SP140L: variants seen among roughly 807,000 people sequenced by gnomAD.
SP140L encodes SP140 like nuclear body protein.
Under a neutral mutation model 84.3 loss-of-function variants are expected in SP140L, and 64 were observed. The ratio of observed to expected loss-of-function variants is 0.76; its 90% CI spans 0.62 to 0.94. The LOEUF (loss-of-function observed/expected upper bound fraction) is 0.94. SP140L is among the 40% of genes least tolerant of loss of function. The pLI is 0.00. For missense variants in SP140L, 628 were observed against 692.5 expected, an observed-to-expected ratio of 0.91 and a Z score of 1.05; for synonymous variants, 242 against 236.9, an observed-to-expected ratio of 1.02 and a Z score of -0.20.
intron 2 of SP140L, among the ~76,000 whole-genome samples, chr2:230,330,063 G>A (rs1437139702): frequency 1.3e-5 from 2 of 152,136 alleles, no homozygotes; most frequent in East Asian, 3.9e-4. Flanking sequence ...TGTGTTCCAT[G>A]TGCCTGCTGT....
At chr2:230,358,037 C>T (rs1399075998) in intron 3 of SP140L, 70 bp downstream of exon 3, 1 of 1,553,340 alleles carries the variant, frequency 6.4e-7, no homozygotes. Flanking sequence ...GTAAGTGCTC[C>T]TGTAAAGTAG....
intron 4 of SP140L, among the ~76,000 whole-genome samples, chr2:230,360,440 CTAACAA>C (rs1252776303): frequency 2.0e-5 from 3 of 152,108 alleles, no homozygotes; most frequent in Non-Finnish European, 2.9e-5. Flanking sequence ...TGTGTTAATA[CTAACAA>C]TATCTAGATT....
At chr2:230,351,145 G>T (rs533509497) in intron 2 of SP140L, among the ~76,000 whole-genome samples, 1 of 152,296 alleles carries the variant, frequency 6.6e-6, no homozygotes, top group Non-Finnish European at 1.5e-5. Flanking sequence ...AGCTGGATCT[G>T]CTGGGTCAGT....
chr2:230,392,092 T>C lies in SP140L; in HGVS notation c.970T>C (p.Leu324=). The C allele has an allele frequency of 6.2e-7, 1 of 1,613,816 alleles. No homozygotes were observed. The part of the protein sequence containing the change: ...LHKEKLEQGT[L]AKCIQTEDGK... ...AAGTTACCCTGGTCTTACAGGAACC[T>C]TGGCAAAGTGTATACAGACTGAGGA... The change falls in exon 12 of 19, where the codon TTG becomes CTG. Residue 324 remains leucine, a synonymous_variant. Coordinates refer to ENST00000415673, the MANE Select transcript of SP140L (RefSeq NM_138402.6).
chr2:230,380,448 C>A (rs552539957), intron 7 of SP140L, among the ~76,000 whole-genome samples: 1 of 152,240 alleles, frequency 6.6e-6, no homozygotes, highest in African/African-American at 2.4e-5. Context: ...GACATCAGTA[C>A]CCTTCCCCCT....
rs1343749477 is a variant in SP140L at position 230,396,744 on chromosome 2, GT to G, written c.1156-7del. ...TTCAATATCATAAATCAATCTTTCT[GT>G]TTTTTCAACAGAGAATACTGAAGTC... On this transcript the variant is annotated splice_polypyrimidine_tract_variant and intron_variant, in intron 13 of 18. Transcript: ENST00000415673. 6.2e-7 allele frequency: 1 copy of G among 1,613,118 alleles called. No homozygotes were observed. Among genetic ancestry groups the G allele is most frequent in the Non-Finnish European group, 8.5e-7 (1 of 1,179,568 alleles).
chr2:230,327,425 T>C, intron 1 of SP140L, 124 bp downstream of exon 1: 1 of 1,062,938 alleles, frequency 9.4e-7, no homozygotes. Flanking sequence ...AGGTAGGTAG[T>C]GTAATATAAT....
chr2:230,361,643 A>G lies in SP140L; in HGVS notation c.469A>G (p.Ser157Gly). ...AIQDKLSFQE[S>G]DRKEREERPD... ...CCAAGACAAATTGTCTTTCCAAGAA[A>G]GTGATCGAAAAGAAAGGGAAGAGAG... The change falls in exon 5 of 19, where the codon AGT (serine) becomes GGT (glycine). Residue 157 changes from serine to glycine, a missense_variant. Around this residue, in one of 4 missense-constraint regions of SP140L, gnomAD observed 525 missense variants for 518.4 expected, o/e 1.01. Coordinates refer to ENST00000415673, the MANE Select transcript of SP140L (RefSeq NM_138402.6). The G allele has an allele frequency of 6.4e-7, 1 of 1,562,252 alleles. No homozygotes were observed. The highest frequency in any genetic ancestry group is 8.7e-7 in the Non-Finnish European group (1 of 1,152,060).
intron 2 of SP140L, among the ~76,000 whole-genome samples, chr2:230,335,623 T>A (rs1410186473): frequency 6.6e-6 from 1 of 152,150 alleles, no homozygotes; most frequent in Non-Finnish European, 1.5e-5. Context: ...TAGTGCATAG[T>A]CATTTTTGAG....
intron 14 of SP140L, among the ~76,000 whole-genome samples, chr2:230,398,742 G>A (rs2062173084): frequency 6.6e-6 from 1 of 152,238 alleles, no homozygotes; most frequent in Admixed American, 6.5e-5. Context: ...AGTAGAAGTA[G>A]CAGCAGAAAG....
chr2:230,332,518 C>G (rs917819111), intron 2 of SP140L, among the ~76,000 whole-genome samples: 11 of 152,188 alleles, frequency 7.2e-5, no homozygotes, highest in Non-Finnish European at 1.6e-4. Context: ...CATTCCCCAT[C>G]CATTCTCGTA....
At chr2:230,354,848 GGAAAGAAAGAAA>G (rs61603133) in intron 2 of SP140L, among the ~76,000 whole-genome samples, 8,533 of 108,818 alleles carry the variant, frequency 0.078, 324 homozygotes, top group East Asian at 0.17. Flanking sequence ...AAGAAAGAAA[GGAAAGAAAGAAA>G]GAAAGAAAGA....
Position 230,387,049 on chromosome 2 carries a change from G to A in SP140L, c.785-1510G>A, listed in dbSNP as rs1055428270. The stretch of plus-strand genomic sequence containing the variant: ...ACTTCCAGAGTCCACTTGGCATCTT[G>A]CGTGGGAGAGGAGGGGAGGAGAGCT... On this transcript the variant is annotated intron_variant, in intron 9 of 18. Transcript: ENST00000415673. Among the ~76,000 whole-genome samples, 14 of 152,294 alleles carry A rather than the reference G, an allele frequency of 9.2e-5. 1 individual carries two copies. In the South Asian group the frequency reaches 1.7e-3, roughly 18 times the overall value.
chr2:230,395,926 G>T (rs1211728095), intron 13 of SP140L, among the ~76,000 whole-genome samples: 1 of 152,254 alleles, frequency 6.6e-6, no homozygotes, highest in Non-Finnish European at 1.5e-5. Context: ...CTGCAGCACA[G>T]AGGACCTTGG....
chr2:230,371,108 AG>A, intron 6 of SP140L, 141 bp downstream of exon 6: 1 of 682,182 alleles, frequency 1.5e-6, no homozygotes, highest in Non-Finnish European at 2.6e-6. Context: ...AACTGCAGAG[AG>A]GCAAGAGATC....
chr2:230,398,025 C>T (rs1383749687), intron 14 of SP140L, among the ~76,000 whole-genome samples: 1 of 152,234 alleles, frequency 6.6e-6, no homozygotes. Context: ...GCTTCCATAA[C>T]CAGACTTTGC....
intron 2 of SP140L, among the ~76,000 whole-genome samples, chr2:230,357,595 C>T (rs1017002165): frequency 7.2e-5 from 11 of 152,060 alleles, no homozygotes; most frequent in Admixed American, 3.3e-4. Context: ...TTTCAGTGCC[C>T]TCTATATTAG....
chr2:230,329,210 C>T (rs1207512861), intron 2 of SP140L, among the ~76,000 whole-genome samples: 1 of 152,156 alleles, frequency 6.6e-6, no homozygotes, highest in African/African-American at 2.4e-5. Flanking sequence ...TAAAGTCGTT[C>T]TTCTGTTAAG....
At chr2:230,359,159 G>C (rs748472572) in intron 4 of SP140L, 27 bp downstream of exon 4, 2 of 1,595,728 alleles carry the variant, frequency 1.3e-6, no homozygotes, top group South Asian at 1.1e-5. Context: ...TCTACCTTTT[G>C]ATTTCCGGGG....
Sources: gnomAD v4.1 joint callset for allele counts (sites outside exome capture counted in the v4.1 genomes callset) on GRCh38, gnomAD v4.1.1 for gene constraint, gnomAD v4.1.1 regional missense constraint, MANE v1.5 for transcripts, NCBI Gene and HGNC (gene_info 2026-07-23, HGNC 2026-07-21) for gene names.